PTCHD4: variants seen among roughly 807,000 people sequenced by gnomAD.
The protein encoded by PTCHD4 is patched domain containing 4.
PTCHD4 carries 33 observed loss-of-function variants against 58.1 expected under a neutral mutation model. That is an observed-to-expected ratio of 0.57 (90% CI 0.43 to 0.76). The LOEUF (loss-of-function observed/expected upper bound fraction) is 0.76. Among genes scored for constraint, PTCHD4 ranks in the 30% least tolerant of loss-of-function variants. The pLI, the probability that PTCHD4 is intolerant of heterozygous loss-of-function variation, is 0.00. For synonymous variants in PTCHD4, 478 were observed against 409.6 expected (o/e 1.17, Z -2.02); for missense variants, 1,058 against 1,027.1 (o/e 1.03, Z -0.41).
Position 47,878,321 on chromosome 6 carries a change from A to T in PTCHD4, c.2514T>A (p.Asp838Glu). The change falls in exon 5 of 5, where the codon GAT becomes GAA. Residue 838 changes from aspartate (D) to glutamate (E), a missense_variant. By Grantham distance (45) the Asp-to-Glu change is conservative. Transcript: ENST00000339488. ...ATACCCCTCATACTGTGGTGACGTG[A>T]TCCGGGTTCTCTTGAATTTCTATGC... is the stretch of plus-strand genomic sequence containing the variant. ...IECIEIQENP[D>E]HVTTV 1 of 1,599,008 alleles carries T rather than the reference A, an allele frequency of 6.3e-7. No homozygotes were observed. The highest frequency in any genetic ancestry group is 8.5e-7 in the Non-Finnish European group (1 of 1,172,950).
intron 4 of PTCHD4, among the ~76,000 whole-genome samples, chr6:48,001,850 A>AAT (rs1768735694): frequency 6.6e-6 from 1 of 152,252 alleles, no homozygotes. Flanking sequence ...AAATTTTTGC[A>AAT]ATCTACTCAT....
Position 47,879,233 on chromosome 6 carries a change from G to T in PTCHD4, c.1602C>A (p.Asp534Glu), listed in dbSNP as rs777311013. ...TGAATCCACTACAGAGTCTTCTTAGGTCATCCTGGACGCTGCTGTTCCAGT... is the reference window on the plus strand; with the variant it reads ...TGAATCCACTACAGAGTCTTCTTAGTTCATCCTGGACGCTGCTGTTCCAGT... ...LEYWNSSVQD[D>E]LRRLCSGFTA... The change falls in exon 5 of 5, where the codon GAC (aspartate) becomes GAA (glutamate). Residue 534 changes from aspartate (D) to glutamate (E), a missense_variant. Physicochemically the swap from Asp to Glu is conservative, Grantham distance 45. Coordinates refer to ENST00000339488, the MANE Select transcript of PTCHD4 (RefSeq NM_001384253.1). The T allele has an allele frequency of 6.2e-7, 1 of 1,612,946 alleles. No homozygotes were observed. Among genetic ancestry groups the T allele is most frequent in the African/African-American group, 1.3e-5 (1 of 74,974 alleles).
chr6:48,075,743 G>C (rs962873785), intron 1 of PTCHD4, among the ~76,000 whole-genome samples: 1 of 152,142 alleles, frequency 6.6e-6, no homozygotes, highest in Non-Finnish European at 1.5e-5. Flanking sequence ...AATGTACATA[G>C]CTTAATTAAG....
intron 4 of PTCHD4, among the ~76,000 whole-genome samples, chr6:47,924,551 G>A (rs905755661): frequency 9.2e-5 from 14 of 152,020 alleles, no homozygotes; most frequent in African/African-American, 2.9e-4. Context: ...TGTAAAATGA[G>A]GAACATAATG....
chr6:48,011,013 A>G (rs561322407), intron 3 of PTCHD4, among the ~76,000 whole-genome samples: 1 of 152,306 alleles, frequency 6.6e-6, no homozygotes, highest in South Asian at 2.1e-4. Flanking sequence ...AATCTTTGCT[A>G]CTGTGAACAG....
chr6:48,038,062 A>C (rs1763706058), intron 3 of PTCHD4, among the ~76,000 whole-genome samples: 1 of 152,114 alleles, frequency 6.6e-6, no homozygotes, highest in African/African-American at 2.4e-5. Flanking sequence ...AAAAATAAAG[A>C]CTAAAACTAA....
chr6:47,950,890 AG>A (rs1197488885), intron 4 of PTCHD4, among the ~76,000 whole-genome samples: 8 of 152,208 alleles, frequency 5.3e-5, no homozygotes, highest in Admixed American at 3.3e-4. Flanking sequence ...CAAGTGAGTC[AG>A]GATTCTGGAG....
chr6:48,040,971 G>A lies in PTCHD4; in HGVS notation c.417+27259C>T, dbSNP rs544458379. 1.8e-4 allele frequency among the ~76,000 whole-genome samples: 27 copies of A among 152,140 alleles called. No individual in the cohort carries two copies. The South Asian group carries it at 4.6e-3, about 26-fold the overall frequency. On this transcript the variant is annotated intron_variant, in intron 3 of 4. Coordinates refer to ENST00000339488, the MANE Select transcript of PTCHD4 (RefSeq NM_001384253.1). Reference sequence around the variant, plus strand: ...TCAGAGATGTCTTCAAAATTGCATCGTTAATATATACATTATATATATAAT... The same window carrying A: ...TCAGAGATGTCTTCAAAATTGCATCATTAATATATACATTATATATATAAT...
rs1275579790 is a variant in PTCHD4, at chr6:47,858,389, G to A, written c.*19914C>T. Among the ~76,000 whole-genome samples the A allele has an allele frequency of 3.3e-5, 5 of 151,842 alleles. No individual in the cohort carries two copies. Among genetic ancestry groups the A allele is most frequent in the Non-Finnish European group, 5.9e-5 (4 of 67,944 alleles). ...CTTACCTTAACTTCAAGATTCAAGT[G>A]GATAAAAATATAAGTAACAATCTCA... On this transcript the variant is annotated 3_prime_UTR_variant, in exon 5 of 5. Transcript: ENST00000339488.
intron 4 of PTCHD4, chr6:47,900,210 A>G (rs374719756): frequency 6.6e-6 from 1 of 152,170 alleles, no homozygotes; most frequent in Non-Finnish European, 1.5e-5. Context: ...CTGTCAGACT[A>G]TTTTCCAAAA....
At chr6:48,071,469 G>A (rs1764973326) in intron 1 of PTCHD4, among the ~76,000 whole-genome samples, 2 of 152,238 alleles carry the variant, frequency 1.3e-5, no homozygotes, top group South Asian at 2.1e-4. Flanking sequence ...GCATTAGAAT[G>A]TTTCCGTTTA....
At chr6:47,955,607 A>C (rs1295621881) in intron 4 of PTCHD4, among the ~76,000 whole-genome samples, 1 of 152,232 alleles carries the variant, frequency 6.6e-6, no homozygotes, top group Non-Finnish European at 1.5e-5. Flanking sequence ...CCAGTGAGTC[A>C]TGAAATCAAA....
chr6:47,937,176 T>C (rs1766033217), intron 4 of PTCHD4, among the ~76,000 whole-genome samples: 1 of 152,208 alleles, frequency 6.6e-6, no homozygotes, highest in Non-Finnish European at 1.5e-5. Flanking sequence ...TTTTGAGTCA[T>C]GGAAAAGCAT....
chr6:48,096,076 G>T (rs949680085), intron 1 of PTCHD4, among the ~76,000 whole-genome samples: 2 of 152,190 alleles, frequency 1.3e-5, no homozygotes, highest in African/African-American at 4.8e-5. Flanking sequence ...GATATTAATA[G>T]ATAGGCAGAC....
intron 4 of PTCHD4, among the ~76,000 whole-genome samples, chr6:47,947,190 A>T (rs924187662): frequency 6.6e-6 from 1 of 152,086 alleles, no homozygotes; most frequent in African/African-American, 2.4e-5. Flanking sequence ...TATTTAACTC[A>T]GAAAAGCTTG....
chr6:47,936,228 T>C (rs1484824930), intron 4 of PTCHD4, among the ~76,000 whole-genome samples: 1 of 152,182 alleles, frequency 6.6e-6, no homozygotes, highest in South Asian at 2.1e-4. Flanking sequence ...GTGGACGTGA[T>C]GAGAATTATA....
intron 4 of PTCHD4, among the ~76,000 whole-genome samples, chr6:48,000,079 G>T (rs1283605760): frequency 6.6e-6 from 1 of 152,014 alleles, no homozygotes; most frequent in Admixed American, 6.6e-5. Context: ...TTTCTCTTTT[G>T]CCTGCATGGC....
Position 47,873,433 on chromosome 6 carries a change from C to T in PTCHD4, c.*4870G>A, listed in dbSNP as rs866143086. On this transcript the variant is annotated 3_prime_UTR_variant, in exon 5 of 5. Transcript: ENST00000339488. ...ACAACACTTCAAACACAGAACACCA[C>T]CTCTTGTGCTCCTAAGTTAAACGTG... is the stretch of plus-strand genomic sequence containing the variant. 6.6e-6 allele frequency among the ~76,000 whole-genome samples: 1 copy of T among 151,758 alleles called. No individual in the cohort carries two copies.
At chr6:48,084,324 A>G (rs1487494542) in intron 1 of PTCHD4, among the ~76,000 whole-genome samples, 4 of 152,190 alleles carry the variant, frequency 2.6e-5, no homozygotes, top group East Asian at 3.8e-4. Context: ...ATCACTTCCA[A>G]TTGAATGTTA....
Sources: gnomAD v4.1 joint callset for allele counts (sites outside exome capture counted in the v4.1 genomes callset) on GRCh38, gnomAD v4.1.1 for gene constraint, MANE v1.5 for transcripts, NCBI Gene and HGNC (gene_info 2026-07-23, HGNC 2026-07-21) for gene names.